Variants in BEAN1 observed in about 807,000 individuals in gnomAD.
BEAN1 encodes brain expressed associated with NEDD4 1, also known as protein BEAN1.
In BEAN1, 17 loss-of-function variants were observed where a neutral mutation model predicts 17.7. The observed-to-expected ratio is 0.96, with a 90% CI of 0.66 to 1.44. BEAN1 has a LOEUF of 1.44. BEAN1 is among the 40% of genes most tolerant of loss of function. The pLI, the probability that BEAN1 is intolerant of heterozygous loss-of-function variation, is 0.00. For missense variants in BEAN1, 359 were observed against 374.1 expected (o/e 0.96, Z 0.33); for synonymous variants, 142 against 151.8 (o/e 0.94, Z 0.47).
intron 1 of BEAN1, chr16:66,428,178 A>G (rs1484831791): frequency 3.9e-5 from 6 of 152,512 alleles, no homozygotes; most frequent in Non-Finnish European, 5.9e-5. Context: ...GGCAGGGCCC[A>G]CCCCACACCC....
chr16:66,475,065 T>C (rs756656957), intron 3 of BEAN1, among the ~76,000 whole-genome samples: 1 of 152,214 alleles, frequency 6.6e-6, no homozygotes, highest in Non-Finnish European at 1.5e-5. Flanking sequence ...TGTTAAATAA[T>C]GAACCAAGGT....
At position 66,479,942 on chromosome 16, in the gene BEAN1, C is replaced by T. The variant is rs186523184; in HGVS notation, c.441-644C>T. Among the ~76,000 whole-genome samples, 47 of 152,206 alleles carry T rather than the reference C, an allele frequency of 3.1e-4. No homozygotes were observed. The East Asian group carries it at 9.1e-3, about 30-fold the overall frequency. ...GGGCTTTTGTTCCTCTCCTGCCAGC[C>T]CCCCTCAGGCAGATCACCCATCAGT... is the stretch of plus-strand genomic sequence containing the variant. On this transcript the variant is annotated intron_variant, in intron 4 of 4. Coordinates refer to ENST00000536005, the MANE Select transcript of BEAN1 (RefSeq NM_001178020.3).
rs547594036 is a variant in BEAN1 at position 66,472,903 on chromosome 16, TC to T, written c.289+3041del. ...CAGGTGTGATGGCACATGCCTGTAGTCCCAGCTATTCAGGAGGCTGAGTCGG... is the reference window on the plus strand; with the variant it reads ...CAGGTGTGATGGCACATGCCTGTAGTCCAGCTATTCAGGAGGCTGAGTCGG... On this transcript the variant is annotated intron_variant, in intron 3 of 4. Coordinates refer to ENST00000536005, the MANE Select transcript of BEAN1 (RefSeq NM_001178020.3). Among the ~76,000 whole-genome samples, 293 of 151,800 alleles carry T rather than the reference TC, an allele frequency of 1.9e-3. 1 individual carries two copies. The highest frequency in any genetic ancestry group is 3.6e-3 in the Non-Finnish European group (246 of 67,986).
At chr16:66,466,891 G>A (rs935903147) in intron 2 of BEAN1, among the ~76,000 whole-genome samples, 1 of 152,152 alleles carries the variant, frequency 6.6e-6, no homozygotes, top group Non-Finnish European at 1.5e-5. Context: ...GTTTTAGTGT[G>A]ATGTCATTTT....
chr16:66,444,364 A>G (rs1020736746), intron 2 of BEAN1, among the ~76,000 whole-genome samples: 3 of 152,246 alleles, frequency 2.0e-5, no homozygotes, highest in African/African-American at 7.2e-5. Context: ...TGCAGGCCAG[A>G]GGAACATCAG....
At chr16:66,442,755 C>T (rs766324248) in intron 2 of BEAN1, among the ~76,000 whole-genome samples, 3 of 152,184 alleles carry the variant, frequency 2.0e-5, no homozygotes, top group Admixed American at 1.3e-4. Flanking sequence ...ACATGCTACA[C>T]GGAGAGTCTA....
rs1962078091 is a variant in BEAN1 at position 66,437,593 on chromosome 16, A to G, written c.-82-2A>G. The G allele has an allele frequency of 2.1e-6, 3 of 1,448,890 alleles. No homozygotes were observed. Among genetic ancestry groups the G allele is most frequent in the Non-Finnish European group, 2.8e-6 (3 of 1,074,340 alleles). 89.8% of individuals were successfully genotyped at this position (1,448,890 alleles called of 1,614,324 possible). On this transcript the variant is annotated splice_acceptor_variant, in intron 1 of 4. Coordinates refer to ENST00000536005, the MANE Select transcript of BEAN1 (RefSeq NM_001178020.3). LOFTEE classifies it low-confidence loss of function (5UTR_SPLICE). ...AACACCTGCCTGTTTGTGTCTCCGCAGGTGAGTGGAGGGGCCTTCCCTGCG... is the reference window on the plus strand; with the variant it reads ...AACACCTGCCTGTTTGTGTCTCCGCGGGTGAGTGGAGGGGCCTTCCCTGCG...
chr16:66,494,728 T>A (rs1305110125), downstream of BEAN1, among the ~76,000 whole-genome samples: 4 of 152,172 alleles, frequency 2.6e-5, no homozygotes, highest in African/African-American at 9.7e-5. Flanking sequence ...GAGCTCAGGG[T>A]CAACTCTCAT....
chr16:66,493,281 C>A (rs981093840), exon 5 of BEAN1: 44 of 702,482 alleles, frequency 6.3e-5, no homozygotes, highest in Non-Finnish European at 7.8e-5. Flanking sequence ...CAGCCAGGCC[C>A]AGGTTCCGGG....
intron 1 of BEAN1, among the ~76,000 whole-genome samples, chr16:66,435,186 G>A (rs1202756001): frequency 6.6e-6 from 1 of 152,146 alleles, no homozygotes; most frequent in Non-Finnish European, 1.5e-5. Flanking sequence ...CAGAGCATCA[G>A]GGCAGCCGGT....
intron 2 of BEAN1, among the ~76,000 whole-genome samples, chr16:66,449,229 T>C (rs775697198): frequency 7.2e-5 from 11 of 151,964 alleles, no homozygotes; most frequent in Admixed American, 1.3e-4. Context: ...CCCATGTGAG[T>C]GCACCACTGC....
chr16:66,475,377 G>T (rs933138965), intron 3 of BEAN1, among the ~76,000 whole-genome samples: 2 of 152,210 alleles, frequency 1.3e-5, no homozygotes, highest in Admixed American at 1.3e-4. Context: ...ATAGCAGTTT[G>T]CTCCAGCTCT....
chr16:66,454,726 TTTC>T (rs1355901041), intron 2 of BEAN1, among the ~76,000 whole-genome samples: 5 of 144,040 alleles, frequency 3.5e-5, no homozygotes, highest in African/African-American at 1.4e-4. Flanking sequence ...CTTTTCTTTC[TTTC>T]TTTTTTTTTT....
At chr16:66,450,625 G>C (rs1962636996) in intron 2 of BEAN1, among the ~76,000 whole-genome samples, 1 of 152,166 alleles carries the variant, frequency 6.6e-6, no homozygotes, top group African/African-American at 2.4e-5. Flanking sequence ...GGCAAAGGCA[G>C]GAGGATCGCT....
intron 2 of BEAN1, among the ~76,000 whole-genome samples, chr16:66,449,163 T>G (rs1235755345): frequency 1.3e-5 from 2 of 152,190 alleles, no homozygotes. Flanking sequence ...TATATGGAGT[T>G]GTATGTTTTC....
chr16:66,456,437 C>G (rs1962869948), intron 2 of BEAN1, among the ~76,000 whole-genome samples: 1 of 152,136 alleles, frequency 6.6e-6, no homozygotes. Flanking sequence ...ATTCCACTGT[C>G]TCCTACTTAT....
intron 2 of BEAN1, among the ~76,000 whole-genome samples, chr16:66,444,780 C>A (rs1013460239): frequency 3.3e-5 from 5 of 152,112 alleles, no homozygotes; most frequent in Admixed American, 1.3e-4. Flanking sequence ...GATTACCTGC[C>A]ATGAGCGGGA....
Position 66,493,361 on chromosome 16 carries a change from A to T in BEAN1, c.547A>T (p.Arg183Ter), listed in dbSNP as rs1349114345. ...CCTGGCAGAGGGCACTGCTGGCCAG[A>T]GATCTCTGCCCATGGCTCTGAGCCC... is the stretch of plus-strand genomic sequence containing the variant. Residue 183 changes from arginine (R) to a stop codon, truncating the protein, a stop_gained, in exon 5 of 5, where the codon AGA (arginine) becomes TGA (stop). Transcript: ENST00000561796. LOFTEE classifies it low-confidence loss of function (END_TRUNC). 9.0e-6 allele frequency: 6 copies of T among 665,450 alleles called. No individual in the cohort carries two copies. Among genetic ancestry groups the T allele is most frequent in the Non-Finnish European group, 1.6e-5 (6 of 365,986 alleles). 41.2% of individuals were successfully genotyped at this position (665,450 alleles called of 1,614,324 possible).
At chr16:66,437,104 G>GTAA (rs141371324) in intron 1 of BEAN1, among the ~76,000 whole-genome samples, 5,793 of 150,956 alleles carry the variant, frequency 0.038, 212 homozygotes, top group African/African-American at 0.097. Context: ...TTATGTTGGG[G>GTAA]TAATAATAAT....
Sources: allele counts gnomAD v4.1 joint callset (sites outside exome capture counted in the v4.1 genomes callset), GRCh38; gene constraint gnomAD v4.1.1; transcripts MANE v1.5; gene names NCBI Gene and HGNC (gene_info 2026-07-23, HGNC 2026-07-21).